The following TRIM33 variants were observed in gnomAD, a reference collection of about 807,000 sequenced individuals.
TRIM33 encodes E3 ubiquitin-protein ligase TRIM33.
Under a neutral mutation model 125.4 loss-of-function variants are expected in TRIM33, and 20 were observed. That is an observed-to-expected ratio of 0.16 (90% confidence interval 0.11 to 0.23). The LOEUF (loss-of-function observed/expected upper bound fraction) is 0.23. Among genes scored for constraint, TRIM33 ranks in the 10% least tolerant of loss-of-function variants. The probability of loss-of-function intolerance (pLI) is 1.00; values close to 1 mark genes in which losing one functional copy is unlikely to be tolerated. For missense variants in TRIM33, 920 were observed against 1,411.4 expected (o/e 0.65, Z 5.58); for synonymous variants, 564 against 513.9 (o/e 1.10, Z -1.32).
chr1:114,479,672 A>G (rs534905386), intron 1 of TRIM33, among the ~76,000 whole-genome samples: 2 of 152,356 alleles, frequency 1.3e-5, no homozygotes, highest in South Asian at 4.1e-4. Flanking sequence ...TGTAACAATC[A>G]TGACTATAAC....
intron 1 of TRIM33, among the ~76,000 whole-genome samples, chr1:114,508,127 T>A (rs967144361): frequency 2.0e-5 from 3 of 152,126 alleles, no homozygotes. Flanking sequence ...AAAAAAATTT[T>A]TTTTAATCAA....
intron 4 of TRIM33, among the ~76,000 whole-genome samples, chr1:114,442,609 A>T (rs908328073): frequency 2.0e-5 from 3 of 149,474 alleles, no homozygotes; most frequent in African/African-American, 7.4e-5. Context: ...AATAGCTTGA[A>T]CCCAGGAAGT....
chr1:114,491,294 A>C (rs1652047035), intron 1 of TRIM33, among the ~76,000 whole-genome samples: 1 of 152,172 alleles, frequency 6.6e-6, no homozygotes, highest in South Asian at 2.1e-4. Flanking sequence ...AAAAGAAATA[A>C]TTTTATTTGC....
chr1:114,410,094 T>C, intron 12 of TRIM33, 90 bp downstream of exon 12: 2 of 1,462,010 alleles, frequency 1.4e-6, no homozygotes, highest in African/African-American at 1.4e-5. Context: ...CTCCTACTTA[T>C]TCTGTTTTTC....
At chr1:114,430,214 A>ACATCAC (rs145072485) in intron 6 of TRIM33, among the ~76,000 whole-genome samples, 4,672 of 152,032 alleles carry the variant, frequency 0.031, 173 homozygotes, top group African/African-American at 0.086. Flanking sequence ...GCCTTTACGT[A>ACATCAC]CATCACATTT....
chr1:114,427,559 C>T (rs1647671493), intron 7 of TRIM33, among the ~76,000 whole-genome samples, 189 bp downstream of exon 7: 1 of 151,892 alleles, frequency 6.6e-6, no homozygotes, highest in East Asian at 1.9e-4. Context: ...TAAAAAATGA[C>T]AGAAATCAGA....
rs1651361360 is a variant in TRIM33, at chr1:114,393,019, A to T, written c.*4629T>A. 5.0e-6 allele frequency: 1 copy of T among 199,984 alleles called. No homozygotes were observed. The highest frequency in any genetic ancestry group is 2.3e-5 in the African/African-American group (1 of 43,504). 12.4% of individuals were successfully genotyped at this position (199,984 alleles called of 1,614,324 possible). A position where few individuals can be genotyped will look rare whatever the true frequency, so the allele number is the denominator to read the frequency against. ...TAGAAACTGCAACCTTGTTTTAAAA[A>T]ATTAAATATGATTATTTAGAGAATA... On this transcript the variant is annotated 3_prime_UTR_variant, in exon 20 of 20. Coordinates refer to ENST00000358465, the MANE Select transcript of TRIM33 (RefSeq NM_015906.4).
At chr1:114,489,718 C>A (rs1651930772) in intron 1 of TRIM33, among the ~76,000 whole-genome samples, 1 of 152,120 alleles carries the variant, frequency 6.6e-6, no homozygotes, top group African/African-American at 2.4e-5. Context: ...GCACTCCAGC[C>A]TGGGGAACAG....
At chr1:114,404,135 A>G (rs1293730828) in intron 15 of TRIM33, among the ~76,000 whole-genome samples, 1 of 152,004 alleles carries the variant, frequency 6.6e-6, no homozygotes, top group Non-Finnish European at 1.5e-5. Context: ...TAACCAATCT[A>G]TTTGTTTTTC....
At chr1:114,418,598 G>C (rs1227921568) in intron 11 of TRIM33, among the ~76,000 whole-genome samples, 1 of 152,146 alleles carries the variant, frequency 6.6e-6, no homozygotes, top group Non-Finnish European at 1.5e-5. Flanking sequence ...ATTCTGCTAA[G>C]GTGTTGACAT....
chr1:114,453,180 A>G (rs371873683), intron 4 of TRIM33, among the ~76,000 whole-genome samples: 2 of 152,200 alleles, frequency 1.3e-5, no homozygotes, highest in South Asian at 4.1e-4. Context: ...CCTGACCAAC[A>G]TGGCAAAACT....
chr1:114,459,697 A>C (rs1649838842), intron 4 of TRIM33, among the ~76,000 whole-genome samples: 1 of 151,782 alleles, frequency 6.6e-6, no homozygotes, highest in African/African-American at 2.4e-5. Flanking sequence ...TGAGCCCAAG[A>C]GCTTGAGTCC....
chr1:114,504,411 A>T (rs1398168372), intron 1 of TRIM33, among the ~76,000 whole-genome samples: 5 of 152,120 alleles, frequency 3.3e-5, no homozygotes, highest in African/African-American at 4.8e-5. Flanking sequence ...CAAGCAATCC[A>T]CCCACCTCGG....
At chr1:114,492,552 C>T (rs930543800) in intron 1 of TRIM33, among the ~76,000 whole-genome samples, 9 of 152,154 alleles carry the variant, frequency 5.9e-5, no homozygotes, top group Admixed American at 3.9e-4. Flanking sequence ...TCCTCCCCCA[C>T]TCCCATCCTA....
At chr1:114,487,964 T>C (rs976810383) in intron 1 of TRIM33, among the ~76,000 whole-genome samples, 1 of 149,336 alleles carries the variant, frequency 6.7e-6, no homozygotes, top group Non-Finnish European at 1.5e-5. Flanking sequence ...TTCTCATGGA[T>C]TTCTTAAATC....
intron 18 of TRIM33, 144 bp from the exon 19 acceptor site, chr1:114,398,134 T>C (rs1179605924): frequency 1.3e-6 from 1 of 781,754 alleles, no homozygotes; most frequent in African/African-American, 1.7e-5. Flanking sequence ...TTTTCTAAAA[T>C]TCTACAGAAC....
intron 1 of TRIM33, chr1:114,490,693 T>C (rs1220825690): frequency 3.3e-5 from 5 of 152,218 alleles, no homozygotes; most frequent in Non-Finnish European, 5.9e-5. Flanking sequence ...TAAAAGAGTA[T>C]ATTATTCAGG....
chr1:114,424,806 T>C, intron 9 of TRIM33, 51 bp from the exon 10 acceptor site: 1 of 1,194,426 alleles, frequency 8.4e-7, no homozygotes, highest in East Asian at 2.8e-5. Flanking sequence ...AATAAATTTA[T>C]CTCAATTATA....
chr1:114,444,765 T>G (rs1648872064), intron 4 of TRIM33, among the ~76,000 whole-genome samples: 1 of 152,186 alleles, frequency 6.6e-6, no homozygotes, highest in Non-Finnish European at 1.5e-5. Context: ...GTCCACAATG[T>G]CCAAATCACA....
Sources: allele counts gnomAD v4.1 joint callset (sites outside exome capture counted in the v4.1 genomes callset), GRCh38; gene constraint gnomAD v4.1.1; transcripts MANE v1.5; gene names NCBI Gene and HGNC (gene_info 2026-07-23, HGNC 2026-07-21).